Variants in PREX2 observed in about 807,000 individuals in gnomAD.
The protein encoded by PREX2 is phosphatidylinositol 3,4,5-trisphosphate-dependent Rac exchanger 2 protein.
A neutral mutation model predicts 203.2 loss-of-function variants in PREX2; 107 were observed. That is an observed-to-expected ratio of 0.53 (90% CI 0.45 to 0.62). PREX2 has a LOEUF of 0.62. Ranked by LOEUF, PREX2 falls within the 20% of genes least tolerant of loss-of-function variation. The pLI is 0.00. For synonymous variants in PREX2, 672 were observed against 663.6 expected, an observed-to-expected ratio of 1.01 and a Z score of -0.19; for missense variants, 1,777 against 1,955.9, an observed-to-expected ratio of 0.91 and a Z score of 1.72.
intron 14 of PREX2, among the ~76,000 whole-genome samples, chr8:68,075,070 G>A (rs966728810): frequency 3.3e-5 from 5 of 152,122 alleles, no homozygotes; most frequent in Non-Finnish European, 5.9e-5. Context: ...GTTGTGATTT[G>A]GGTATGGATC....
intron 14 of PREX2, among the ~76,000 whole-genome samples, chr8:68,074,903 A>G (rs1045475922): frequency 6.6e-6 from 1 of 152,272 alleles, no homozygotes; most frequent in African/African-American, 2.4e-5. Flanking sequence ...AGACAAAATG[A>G]GTGTTGTGTT....
chr8:68,066,560 G>A (rs766121940), intron 11 of PREX2, among the ~76,000 whole-genome samples: 15 of 151,876 alleles, frequency 9.9e-5, no homozygotes, highest in Non-Finnish European at 1.8e-4. Flanking sequence ...TTTTAATTGG[G>A]TTATTTGTAT....
At chr8:68,151,494 A>G (rs1413682299) in intron 34 of PREX2, among the ~76,000 whole-genome samples, 1 of 152,176 alleles carries the variant, frequency 6.6e-6, no homozygotes, top group African/African-American at 2.4e-5. Flanking sequence ...TTTTGTGGGC[A>G]CATACAAACC....
At chr8:68,112,097 C>G (rs972883003) in intron 25 of PREX2, among the ~76,000 whole-genome samples, 3 of 152,162 alleles carry the variant, frequency 2.0e-5, no homozygotes, top group African/African-American at 7.2e-5. Flanking sequence ...AGGCATTTCA[C>G]TAAATCCTCC....
At chr8:68,152,289 G>GAAAAAAAA (rs573525316) in intron 34 of PREX2, among the ~76,000 whole-genome samples, 15,504 of 72,462 alleles carry the variant, frequency 0.21, 2,454 homozygotes, top group East Asian at 0.36. Flanking sequence ...CCCTCTCAGA[G>GAAAAAAAA]AAAAAAAAAA....
chr8:67,993,976 TGAAGAGAGAAGTGATTGG>T (rs1806687126), intron 1 of PREX2, among the ~76,000 whole-genome samples: 1 of 152,054 alleles, frequency 6.6e-6, no homozygotes, highest in Non-Finnish European at 1.5e-5. Context: ...CACTGATAAT[TGAAGAGAGAAGTGATTGG>T]AGTCAATAAT....
At chr8:67,960,374 C>G (rs1805602945) in intron 1 of PREX2, among the ~76,000 whole-genome samples, 1 of 152,170 alleles carries the variant, frequency 6.6e-6, no homozygotes, top group South Asian at 2.1e-4. Flanking sequence ...CCATAAACTC[C>G]AAGCTTATCT....
chr8:68,185,579 G>GATTAGATGGTATGCAA (rs1367695456), intron 35 of PREX2, among the ~76,000 whole-genome samples: 1 of 152,024 alleles, frequency 6.6e-6, no homozygotes, highest in Non-Finnish European at 1.5e-5. Flanking sequence ...AAATACCTGT[G>GATTAGATGGTATGCAA]TATTTGTCTT....
intron 1 of PREX2, among the ~76,000 whole-genome samples, chr8:67,978,192 T>G (rs7463893): frequency 0.34 from 52,361 of 151,788 alleles, 9,429 homozygotes; most frequent in East Asian, 0.6. Flanking sequence ...TGTGGGGAAA[T>G]CTCCCCCCTC....
At chr8:68,224,929 T>C (rs1399623800) in intron 39 of PREX2, among the ~76,000 whole-genome samples, 4 of 152,182 alleles carry the variant, frequency 2.6e-5, no homozygotes, top group African/African-American at 9.7e-5. Flanking sequence ...TCATTTATAC[T>C]TCTGTGACTG....
At chr8:68,032,909 T>A (rs112449631) in intron 6 of PREX2, among the ~76,000 whole-genome samples, 18 of 152,086 alleles carry the variant, frequency 1.2e-4, no homozygotes, top group African/African-American at 3.9e-4. Flanking sequence ...CCTCTCCAGC[T>A]CCTTCCACAG....
intron 34 of PREX2, among the ~76,000 whole-genome samples, chr8:68,155,214 A>C (rs150335092): frequency 5.5e-4 from 84 of 152,254 alleles, no homozygotes; most frequent in African/African-American, 1.5e-3. Context: ...AGTATACCAA[A>C]GTGTCATATT....
chr8:68,201,461 A>T (rs13273711), intron 37 of PREX2, among the ~76,000 whole-genome samples: 2,886 of 152,272 alleles, frequency 0.019, 43 homozygotes, highest in Middle Eastern at 0.041. Flanking sequence ...AGCCAGTTCA[A>T]GTCCCAAAGC....
intron 6 of PREX2, among the ~76,000 whole-genome samples, chr8:68,035,655 C>T (rs1350091080): frequency 6.6e-6 from 1 of 152,094 alleles, no homozygotes; most frequent in Non-Finnish European, 1.5e-5. Context: ...TATTTTTAGA[C>T]AAATCTGCAC....
chr8:68,069,692 G>C (rs1809136161), intron 12 of PREX2, 143 bp from the exon 13 acceptor site: 1 of 445,406 alleles, frequency 2.2e-6, no homozygotes, highest in Non-Finnish European at 4.0e-6. Context: ...GATATATCAT[G>C]ATATTTGAAT....
chr8:68,149,818 T>G (rs528637826), intron 34 of PREX2, among the ~76,000 whole-genome samples: 81 of 152,220 alleles, frequency 5.3e-4, no homozygotes, highest in African/African-American at 1.9e-3. Flanking sequence ...GATTCTGGAG[T>G]CCACCAAAAG....
At chr8:68,050,829 A>G (rs1166250659) in intron 8 of PREX2, among the ~76,000 whole-genome samples, 1 of 152,178 alleles carries the variant, frequency 6.6e-6, no homozygotes, top group Non-Finnish European at 1.5e-5. Context: ...AGAGTGGGGT[A>G]GCTTGATGAG....
Position 68,069,023 on chromosome 8 carries a change from A to G in PREX2, c.1340-10A>G, listed in dbSNP as rs143741795. The G allele has an allele frequency of 2.2e-3, 2,596 of 1,176,572 alleles. 8 individuals are homozygous for G. The highest frequency in any genetic ancestry group is 2.7e-3 in the Non-Finnish European group (2,259 of 828,408). 72.9% of individuals were successfully genotyped at this position (1,176,572 alleles called of 1,614,324 possible). ...ATCGTTATTTTAATATAGTATTTCTATGTTCTTAGTTACTGATAAACATCA... is the reference window on the plus strand; with the variant it reads ...ATCGTTATTTTAATATAGTATTTCTGTGTTCTTAGTTACTGATAAACATCA... On this transcript the variant is annotated splice_polypyrimidine_tract_variant and intron_variant, in intron 11 of 39. Coordinates refer to ENST00000288368, the MANE Select transcript of PREX2 (RefSeq NM_024870.4).
intron 35 of PREX2, among the ~76,000 whole-genome samples, chr8:68,179,115 T>C (rs1272619128): frequency 6.6e-6 from 1 of 152,212 alleles, no homozygotes; most frequent in Non-Finnish European, 1.5e-5. Flanking sequence ...ATGTGACTTG[T>C]TGCTCTAGTC....
Sources: allele counts gnomAD v4.1 joint callset (sites outside exome capture counted in the v4.1 genomes callset), GRCh38; gene constraint gnomAD v4.1.1; transcripts MANE v1.5; gene names NCBI Gene and HGNC (gene_info 2026-07-23, HGNC 2026-07-21).